RMDN2: variants seen among roughly 807,000 people sequenced by gnomAD.
RMDN2 encodes regulator of microtubule dynamics 2, also known as regulator of microtubule dynamics protein 2.
RMDN2 carries 61 observed loss-of-function variants against 52.8 expected under a neutral mutation model. The ratio of observed to expected loss-of-function variants is 1.16; its 90% CI spans 0.94 to 1.43. RMDN2 has a LOEUF of 1.43. Ranked by LOEUF, RMDN2 falls within the 40% of genes most tolerant of loss-of-function variation. RMDN2 has a pLI of 0.00. For missense variants in RMDN2, 592 were observed against 475.3 expected (o/e 1.25, Z -2.28); for synonymous variants, 180 against 153.1 (o/e 1.18, Z -1.30).
chr2:37,923,042 C>T (rs1483949617), upstream of RMDN2: 1 of 152,208 alleles, frequency 6.6e-6, no homozygotes, highest in Non-Finnish European at 1.5e-5. Flanking sequence ...AACAGCAACT[C>T]TGAGATTCTT....
intron 2 of RMDN2, among the ~76,000 whole-genome samples, chr2:37,959,451 T>G (rs1669907261): frequency 1.3e-5 from 2 of 151,118 alleles, no homozygotes; most frequent in Admixed American, 6.6e-5. Context: ...GAGGTGTTTA[T>G]AGTACTCTCT....
At chr2:38,057,504 T>G (rs1681893280) in intron 10 of RMDN2, among the ~76,000 whole-genome samples, 1 of 152,226 alleles carries the variant, frequency 6.6e-6, no homozygotes, top group Non-Finnish European at 1.5e-5. Flanking sequence ...CCATGGGCCA[T>G]AGTTTGCTGA....
At chr2:38,017,762 C>G, downstream of RMDN2, 1 of 302,180 alleles carries the variant, frequency 3.3e-6, no homozygotes, top group Non-Finnish European at 6.5e-6. Flanking sequence ...TCACTCGTGT[C>G]CATGTGAAGA....
chr2:37,983,918 C>G (rs1221636720), intron 5 of RMDN2, among the ~76,000 whole-genome samples: 2 of 152,096 alleles, frequency 1.3e-5, no homozygotes, highest in Non-Finnish European at 2.9e-5. Flanking sequence ...GGATCACAGC[C>G]ACACACAGGC....
chr2:38,003,983 C>G lies in RMDN2; in HGVS notation c.1045-8C>G, dbSNP rs1440363719. On this transcript the variant is annotated splice_region_variant and splice_polypyrimidine_tract_variant and intron_variant, in intron 8 of 10. Coordinates refer to ENST00000354545, the MANE Select transcript of RMDN2 (RefSeq NM_001170791.3). The stretch of plus-strand genomic sequence containing the variant: ...CTGTTATTCTCTCATGTTTTTCTCT[C>G]AAATCAGGCTGAAGAACTATGCCCT... The G allele has an allele frequency of 6.2e-7, 1 of 1,608,100 alleles. No homozygotes were observed. Among genetic ancestry groups the G allele is most frequent in the South Asian group, 1.1e-5 (1 of 90,944 alleles).
chr2:38,067,020 A>G, exon 11 of RMDN2: 1 of 1,612,298 alleles, frequency 6.2e-7, no homozygotes, highest in East Asian at 2.2e-5. Flanking sequence ...TTGGTACCGC[A>G]AGCCCTGTCA....
At chr2:37,938,818 A>T (rs1411724829) in intron 2 of RMDN2, among the ~76,000 whole-genome samples, 1 of 151,978 alleles carries the variant, frequency 6.6e-6, no homozygotes, top group Non-Finnish European at 1.5e-5. Context: ...CTAGCGGTCT[A>T]TCTATTTTGT....
At chr2:38,008,295 T>G (rs1677413895) in intron 10 of RMDN2, among the ~76,000 whole-genome samples, 1 of 152,196 alleles carries the variant, frequency 6.6e-6, no homozygotes, top group African/African-American at 2.4e-5. Flanking sequence ...TGTCTAATGT[T>G]GACAGTGGGG....
intron 4 of RMDN2, among the ~76,000 whole-genome samples, chr2:37,978,609 T>G (rs2125089363): frequency 6.6e-6 from 1 of 151,990 alleles, no homozygotes; most frequent in East Asian, 1.9e-4. Flanking sequence ...GCAGATAGCT[T>G]GAGCTCAGAA....
intron 7 of RMDN2, among the ~76,000 whole-genome samples, chr2:37,993,117 G>A (rs982532235): frequency 1.3e-5 from 2 of 152,054 alleles, no homozygotes; most frequent in Non-Finnish European, 2.9e-5. Flanking sequence ...TAGAGACGGA[G>A]TTTCGCCATG....
chr2:38,035,528 A>G (rs1375346313), intron 10 of RMDN2, among the ~76,000 whole-genome samples: 1 of 152,232 alleles, frequency 6.6e-6, no homozygotes, highest in African/African-American at 2.4e-5. Context: ...CTACCAGATA[A>G]GAAAAAATGC....
chr2:37,951,028 A>C (rs1328845171), intron 2 of RMDN2, among the ~76,000 whole-genome samples: 1 of 152,024 alleles, frequency 6.6e-6, no homozygotes, highest in Non-Finnish European at 1.5e-5. Flanking sequence ...ATAACCTCTT[A>C]GACTCCCGCA....
intron 2 of RMDN2, among the ~76,000 whole-genome samples, chr2:37,959,562 G>A (rs1162160303): frequency 6.7e-6 from 1 of 150,346 alleles, no homozygotes; most frequent in African/African-American, 2.5e-5. Context: ...TATTAATCTG[G>A]CTAGCGATCT....
At chr2:37,979,296 A>G (rs1348111205) in intron 4 of RMDN2, among the ~76,000 whole-genome samples, 1 of 152,212 alleles carries the variant, frequency 6.6e-6, no homozygotes, top group Non-Finnish European at 1.5e-5. Flanking sequence ...TACGGAACCT[A>G]TTCTATGGAA....
rs115936653 is a variant in RMDN2 at position 37,967,592 on chromosome 2, A to G, written c.453-6448A>G. Among the ~76,000 whole-genome samples the G allele has an allele frequency of 2.5e-3, 377 of 152,354 alleles. 2 individuals are homozygous for G. The highest frequency in any genetic ancestry group is 8.6e-3 in the African/African-American group (358 of 41,568). On this transcript the variant is annotated intron_variant, in intron 2 of 10. Coordinates refer to ENST00000354545, the MANE Select transcript of RMDN2 (RefSeq NM_001170791.3). ...CAAAGAATGATGACATCTACTTATTATGAAAGTGTTTTGAGAAAGTTAGTC... is the reference window on the plus strand; with the variant it reads ...CAAAGAATGATGACATCTACTTATTGTGAAAGTGTTTTGAGAAAGTTAGTC...
intron 3 of RMDN2, 28 bp downstream of exon 3, chr2:37,974,242 A>T (rs201692632): frequency 1.2e-4 from 175 of 1,464,626 alleles, no homozygotes; most frequent in Non-Finnish European, 1.6e-5. Context: ...AGCACTTCGT[A>T]TAGTTCCATT....
intron 2 of RMDN2, among the ~76,000 whole-genome samples, chr2:37,941,669 C>T (rs900775696): frequency 6.6e-6 from 1 of 152,198 alleles, no homozygotes; most frequent in Admixed American, 6.5e-5. Context: ...TCAGTCTGAA[C>T]TTCCTGGTGG....
At chr2:37,986,339 G>C (rs1232863647) in intron 5 of RMDN2, among the ~76,000 whole-genome samples, 1 of 152,060 alleles carries the variant, frequency 6.6e-6, no homozygotes, top group Non-Finnish European at 1.5e-5. Flanking sequence ...GAAAGCATCA[G>C]GACCAGACGG....
upstream of RMDN2, among the ~76,000 whole-genome samples, chr2:37,922,832 A>T (rs138744916): frequency 6.4e-3 from 972 of 152,356 alleles, 5 homozygotes; most frequent in Non-Finnish European, 0.011. Context: ...GGCAAGCAAC[A>T]GGATATTCCA....
Sources: gnomAD v4.1 joint callset for allele counts (sites outside exome capture counted in the v4.1 genomes callset) on GRCh38, gnomAD v4.1.1 for gene constraint, MANE v1.5 for transcripts, NCBI Gene and HGNC (gene_info 2026-07-23, HGNC 2026-07-21) for gene names.